Variants in AVEN observed in about 807,000 individuals in gnomAD.
AVEN encodes the protein cell death regulator Aven.
In AVEN, 41 loss-of-function variants were observed where a neutral mutation model predicts 38.1. The observed-to-expected ratio is 1.08, with a 90% CI of 0.84 to 1.40. AVEN has a LOEUF of 1.40. Among genes scored for constraint, AVEN ranks in the 40% most tolerant of loss-of-function variants. The pLI, the probability that AVEN is intolerant of heterozygous loss-of-function variation, is 0.00. For missense variants in AVEN, 605 were observed against 438.8 expected (o/e 1.38, Z -3.38); for synonymous variants, 206 against 171.8 (o/e 1.20, Z -1.56).
intron 2 of AVEN, among the ~76,000 whole-genome samples, chr15:33,932,554 C>T (rs1458774449): frequency 1.3e-5 from 2 of 152,138 alleles, no homozygotes; most frequent in African/African-American, 2.4e-5. Flanking sequence ...GGGCTGGGCG[C>T]GGTGGCTCAC....
At chr15:34,003,252 C>T in intron 1 of AVEN, 43 bp from the exon 2 acceptor site, 1 of 1,596,510 alleles carries the variant, frequency 6.3e-7, no homozygotes, top group Non-Finnish European at 8.5e-7. Context: ...CAGTGGAAAT[C>T]CTGACCTTAG....
intron 2 of AVEN, among the ~76,000 whole-genome samples, chr15:33,986,494 T>C (rs1011228728): frequency 6.6e-6 from 1 of 152,040 alleles, no homozygotes; most frequent in African/African-American, 2.4e-5. Context: ...TAAAACCACA[T>C]TAATTATCTA....
chr15:33,954,480 G>T (rs1894882605), intron 2 of AVEN, among the ~76,000 whole-genome samples: 1 of 152,130 alleles, frequency 6.6e-6, no homozygotes, highest in East Asian at 1.9e-4. Context: ...CCAGAAAAAA[G>T]GATGAGTTCA....
At chr15:33,899,491 A>T in intron 2 of AVEN, among the ~76,000 whole-genome samples, 1 of 53,952 alleles carries the variant, frequency 1.9e-5, no homozygotes, top group African/African-American at 6.1e-5. Context: ...TTTTTTTGAG[A>T]CGGAGTGTTG....
chr15:33,920,564 G>T (rs116917494), intron 2 of AVEN, among the ~76,000 whole-genome samples: 2,032 of 152,072 alleles, frequency 0.013, 16 homozygotes, highest in African/African-American at 0.023. Flanking sequence ...ATCTTTCAAC[G>T]AAAAGAACAT....
chr15:34,038,858 G>A lies in AVEN; in HGVS notation c.189C>T (p.Arg63=). The A allele has an allele frequency of 8.6e-7, 1 of 1,157,266 alleles. No individual in the cohort carries two copies. Among genetic ancestry groups the A allele is most frequent in the African/African-American group, 1.7e-5 (1 of 60,592 alleles). The allele number at this position is 1,157,266 out of a possible 1,614,324, so 71.7% of individuals were successfully genotyped here. Residue 63 remains arginine (R), a synonymous_variant, in exon 1 of 6, where the codon CGC becomes CGT. Coordinates refer to ENST00000306730, the MANE Select transcript of AVEN (RefSeq NM_020371.3). ...GGGCGCCTCCTCCTCCTCGGCCTCC[G>A]CGAGCGCCGCGGAAGCCCCGGCCAC... ...RGRGRGFRGA[R]GGRGGGGAPR...
At position 33,983,211 on chromosome 15, in the gene AVEN, TATAC is replaced by T. The variant is rs1555512814; in HGVS notation, c.445+19817_445+19820del. On this transcript the variant is annotated intron_variant, in intron 2 of 5. Coordinates refer to ENST00000306730, the MANE Select transcript of AVEN (RefSeq NM_020371.3). Reference sequence around the variant, plus strand: ...GTGTGTATGTGTGTGTATATATATATATACATATATATACACACACATACACACA... The same window carrying T: ...GTGTGTATGTGTGTGTATATATATATATATATATACACACACATACACACA... Among the ~76,000 whole-genome samples, 63 of 14,534 alleles carry T rather than the reference TATAC, an allele frequency of 4.3e-3. 2 individuals are homozygous for T. The South Asian group carries it at 0.091, about 21-fold the overall frequency. 9.5% of individuals were successfully genotyped at this position (14,534 alleles called of 152,430 possible).
downstream of AVEN, among the ~76,000 whole-genome samples, chr15:33,864,391 T>C (rs1416431688): frequency 6.6e-6 from 1 of 151,366 alleles, no homozygotes; most frequent in East Asian, 1.9e-4. Flanking sequence ...TTCTAAATGC[T>C]TATAGCTACT....
intron 1 of AVEN, among the ~76,000 whole-genome samples, chr15:34,004,710 A>G (rs1012351602): frequency 6.6e-6 from 1 of 152,208 alleles, no homozygotes; most frequent in Admixed American, 6.5e-5. Context: ...GTGGATAGAC[A>G]TGAAATATAC....
chr15:33,855,085 A>G (rs2079509448), downstream of AVEN: 2 of 523,302 alleles, frequency 3.8e-6, no homozygotes, highest in Admixed American at 8.5e-5. Flanking sequence ...GTAGCCAATT[A>G]AAAATGTAAC....
At chr15:33,865,245 C>CCACAATTCTG, downstream of AVEN, 1 of 1,547,320 alleles carries the variant, frequency 6.5e-7, no homozygotes, top group Admixed American at 1.7e-5. Context: ...CAAAGAAGCG[C>CCACAATTCTG]GACAATTCTG....
At chr15:33,865,179 C>T, downstream of AVEN, 2 of 1,613,838 alleles carry the variant, frequency 1.2e-6, no homozygotes, top group Non-Finnish European at 1.7e-6. Flanking sequence ...GGATTTCTTC[C>T]CAGCCGGTGA....
chr15:33,851,855 C>G, the AVEN span: 2 of 152,008 alleles, frequency 1.3e-5, no homozygotes, highest in Non-Finnish European at 2.9e-5. Context: ...ATAAAAAAAT[C>G]AAGGAGCAAT....
At chr15:33,971,524 C>T (rs1161653559) in intron 2 of AVEN, among the ~76,000 whole-genome samples, 1 of 151,848 alleles carries the variant, frequency 6.6e-6, no homozygotes, top group Non-Finnish European at 1.5e-5. Context: ...GTTGACATAA[C>T]AATCTTAAAA....
chr15:33,957,126 G>A (rs1266913337), intron 2 of AVEN, among the ~76,000 whole-genome samples: 1 of 152,188 alleles, frequency 6.6e-6, no homozygotes, highest in South Asian at 2.1e-4. Flanking sequence ...TGGGAGCCAC[G>A]TGCCCTTCTA....
chr15:33,853,406 G>T, the AVEN span: 1 of 1,063,650 alleles, frequency 9.4e-7, no homozygotes, highest in African/African-American at 1.6e-5. Flanking sequence ...TTTTCTCTGG[G>T]TTTTCTCTTT....
rs200563462 is a variant in AVEN at position 33,906,949 on chromosome 15, TG to T, written c.446-30955del. 7.2e-3 allele frequency among the ~76,000 whole-genome samples: 1,091 copies of T among 150,504 alleles called. 23 individuals carry two copies. Among genetic ancestry groups the T allele is most frequent in the South Asian group, 0.049 (231 of 4,744 alleles). On this transcript the variant is annotated intron_variant, in intron 2 of 5. Coordinates refer to ENST00000306730, the MANE Select transcript of AVEN (RefSeq NM_020371.3). Reference sequence around the variant, plus strand: ...TTCATCTAGTTTTTAAAAAGGGGTGTGGGGGGGAAGGGGGTGTACACAAATT... The same window carrying T: ...TTCATCTAGTTTTTAAAAAGGGGTGTGGGGGGAAGGGGGTGTACACAAATT...
intron 2 of AVEN, among the ~76,000 whole-genome samples, chr15:33,964,836 T>A (rs1597281942): frequency 6.6e-6 from 1 of 152,198 alleles, no homozygotes; most frequent in South Asian, 2.1e-4. Flanking sequence ...ACTGCAGATT[T>A]CATTTTTGTA....
chr15:34,015,478 T>C (rs1043168635), intron 1 of AVEN, among the ~76,000 whole-genome samples: 1 of 149,178 alleles, frequency 6.7e-6, no homozygotes, highest in African/African-American at 2.5e-5. Context: ...CGAGACTCCA[T>C]CTCAAAAAAT....
Sources: gnomAD v4.1 joint callset for allele counts (sites outside exome capture counted in the v4.1 genomes callset) on GRCh38, gnomAD v4.1.1 for gene constraint, MANE v1.5 for transcripts, NCBI Gene and HGNC (gene_info 2026-07-23, HGNC 2026-07-21) for gene names.